Variants in HDHD2 observed in about 807,000 individuals in gnomAD.
HDHD2 encodes haloacid dehalogenase like hydrolase domain containing 2, also known as haloacid dehalogenase-like hydrolase domain-containing protein 2.
HDHD2 carries 26 observed loss-of-function variants against 24.8 expected under a neutral mutation model. That is an observed-to-expected ratio of 1.05 (90% confidence interval 0.77 to 1.45). The LOEUF (loss-of-function observed/expected upper bound fraction) is 1.45, where lower values mean the gene tolerates loss of function less well. HDHD2 is among the 40% of genes most tolerant of loss of function. The pLI is 0.00. For missense variants in HDHD2, 299 were observed against 313.4 expected (o/e 0.95, Z 0.35); for synonymous variants, 128 against 114.9 (o/e 1.11, Z -0.73).
At chr18:47,126,228 G>C (rs187944913) in intron 4 of HDHD2, among the ~76,000 whole-genome samples, 22 of 152,332 alleles carry the variant, frequency 1.4e-4, no homozygotes, top group Admixed American at 1.0e-3. Flanking sequence ...GAGCCCTGCT[G>C]CTACACTGTT....
intron 1 of HDHD2, among the ~76,000 whole-genome samples, chr18:47,136,759 T>C (rs573523585): frequency 1.3e-5 from 2 of 152,298 alleles, no homozygotes; most frequent in South Asian, 4.1e-4. Flanking sequence ...AATTCATTCA[T>C]TTATTTTATT....
Position 47,113,143 on chromosome 18 carries a change from A to G in HDHD2, c.613-103T>C, listed in dbSNP as rs1403118005. The G allele has an allele frequency of 5.7e-6, 5 of 876,238 alleles. No homozygotes were observed. In the Admixed American group the frequency reaches 9.6e-5, roughly 17 times the overall value. 54.3% of individuals were successfully genotyped at this position (876,238 alleles called of 1,614,324 possible). ...GGCTAGGGTGTCCAACTGTAATGCC[A>G]TGTTTTTTATTGAAATAGAAAAGAG... On this transcript the variant is annotated intron_variant, in intron 5 of 6. Coordinates refer to ENST00000300605, the MANE Select transcript of HDHD2 (RefSeq NM_032124.5).
At chr18:47,112,730 C>T (rs1324748233) in intron 6 of HDHD2, among the ~76,000 whole-genome samples, 3 of 152,176 alleles carry the variant, frequency 2.0e-5, no homozygotes, top group African/African-American at 7.2e-5. Flanking sequence ...AATATAAATG[C>T]TGTCAACCAG....
intron 6 of HDHD2, chr18:47,110,581 T>C: frequency 1.0e-6 from 1 of 985,444 alleles, no homozygotes; most frequent in Non-Finnish European, 1.2e-6. Context: ...GTGGGGTTTC[T>C]ACAAAATAGA....
Position 47,108,600 on chromosome 18 carries a change from G to A in HDHD2, c.*82C>T. 3 of 730,376 alleles carry A rather than the reference G, an allele frequency of 4.1e-6. No homozygotes were observed. The highest frequency in any genetic ancestry group is 2.3e-5 in the Admixed American group (1 of 43,788). The allele number at this position is 730,376 out of a possible 1,614,324, so 45.2% of individuals were successfully genotyped here. On this transcript the variant is annotated 3_prime_UTR_variant, in exon 7 of 7. Coordinates refer to ENST00000300605, the MANE Select transcript of HDHD2 (RefSeq NM_032124.5). Reference sequence around the variant, plus strand: ...CGATCAGCACTGACTGGTGTCTACCGATGCTGGCACTGAGTTGGTAAGGGA... The same window carrying A: ...CGATCAGCACTGACTGGTGTCTACCAATGCTGGCACTGAGTTGGTAAGGGA...
At position 47,150,484 on chromosome 18, in the gene HDHD2, G is replaced by A. The variant is rs894120068; in HGVS notation, c.-117C>T. ...GGGATAGACAGCCCCGCTGCTGCCCGACGGACGCCGGAAGTTGGGCCCTGG... is the reference window on the plus strand; with the variant it reads ...GGGATAGACAGCCCCGCTGCTGCCCAACGGACGCCGGAAGTTGGGCCCTGG... On this transcript the variant is annotated 5_prime_UTR_variant, in exon 1 of 7. Transcript: ENST00000300605. 18 of 152,218 alleles carry A rather than the reference G, an allele frequency of 1.2e-4. No homozygotes were observed. The highest frequency in any genetic ancestry group is 1.2e-3 in the Admixed American group (18 of 15,290). 9.4% of individuals were successfully genotyped at this position (152,218 alleles called of 1,614,324 possible).
At chr18:47,150,293 G>C (rs1198403864) in intron 1 of HDHD2, 85 bp downstream of exon 1, 2 of 152,502 alleles carry the variant, frequency 1.3e-5, no homozygotes, top group African/African-American at 4.8e-5. Flanking sequence ...GGCGCCACTA[G>C]TAGTTCCCGA....
At chr18:47,119,584 T>A (rs2063586627) in intron 4 of HDHD2, among the ~76,000 whole-genome samples, 1 of 152,234 alleles carries the variant, frequency 6.6e-6, no homozygotes, top group South Asian at 2.1e-4. Flanking sequence ...CATCTGCAGT[T>A]ACTTCCTTCA....
rs72905456 is a variant in HDHD2 at position 47,114,926 on chromosome 18, A to C, written c.612+206T>G. Among the ~76,000 whole-genome samples the C allele has an allele frequency of 2.3e-3, 344 of 152,046 alleles. 3 individuals carry two copies. Among genetic ancestry groups the C allele is most frequent in the Non-Finnish European group, 3.6e-3 (246 of 67,986 alleles). On this transcript the variant is annotated intron_variant, in intron 5 of 6. Transcript: ENST00000300605. ...ACAAATCTCCTATTACGCTATGGAGAAATGTCAGAAATAATAAAAATTTCA... is the reference window on the plus strand; with the variant it reads ...ACAAATCTCCTATTACGCTATGGAGCAATGTCAGAAATAATAAAAATTTCA...
intron 3 of HDHD2, among the ~76,000 whole-genome samples, chr18:47,131,793 A>G (rs2063716210): frequency 6.6e-6 from 1 of 152,192 alleles, no homozygotes; most frequent in Non-Finnish European, 1.5e-5. Flanking sequence ...TCCTGAACGC[A>G]GTTTAAGATC....
At chr18:47,149,969 TCCC>T (rs983692208) in intron 1 of HDHD2, 5 of 152,232 alleles carry the variant, frequency 3.3e-5, no homozygotes, top group African/African-American at 1.2e-4. Flanking sequence ...TCAACTTCCA[TCCC>T]CCCATCTCTT....
At chr18:47,125,462 A>G (rs779599646) in intron 4 of HDHD2, among the ~76,000 whole-genome samples, 1 of 152,248 alleles carries the variant, frequency 6.6e-6, no homozygotes, top group Non-Finnish European at 1.5e-5. Flanking sequence ...AGTTTTATTC[A>G]TAACAGCCCA....
In HDHD2 at chr18:47,134,787, CA is replaced by C. The variant is rs2063748147; in HGVS notation, c.102-84del. On this transcript the variant is annotated intron_variant, in intron 2 of 6. Transcript: ENST00000300605. ...ATCTCCTAATTTGTTAAAACTGTGC[CA>C]AATGTTTTTATGGCCAGCAACATGA... 2.7e-6 allele frequency: 3 copies of C among 1,127,554 alleles called. No homozygotes were observed. The African/African-American group carries it at 4.7e-5, about 18-fold the overall frequency. 69.8% of individuals were successfully genotyped at this position (1,127,554 alleles called of 1,614,324 possible).
At chr18:47,144,000 T>C (rs563451270) in intron 1 of HDHD2, among the ~76,000 whole-genome samples, 2 of 152,088 alleles carry the variant, frequency 1.3e-5, no homozygotes, top group East Asian at 3.9e-4. Flanking sequence ...TTCCATAATA[T>C]AGCAGGCTAA....
intron 1 of HDHD2, among the ~76,000 whole-genome samples, chr18:47,147,112 CCAGA>C (rs904431341): frequency 6.6e-6 from 1 of 152,118 alleles, no homozygotes; most frequent in African/African-American, 2.4e-5. Context: ...GTCCAGTAGT[CCAGA>C]CAATTACTAT....
At chr18:47,122,737 A>G (rs925058746) in intron 4 of HDHD2, among the ~76,000 whole-genome samples, 26 of 152,168 alleles carry the variant, frequency 1.7e-4, no homozygotes, top group Non-Finnish European at 3.5e-4. Context: ...TTAATTACTG[A>G]AAAAAATGTA....
At chr18:47,135,258 C>CTTTTTTT (rs904719955) in intron 2 of HDHD2, among the ~76,000 whole-genome samples, 4 of 128,328 alleles carry the variant, frequency 3.1e-5, no homozygotes, top group Non-Finnish European at 3.3e-5. Flanking sequence ...TAGATTTTTT[C>CTTTTTTT]TTTTTTTTTT....
At chr18:47,130,101 G>A (rs1167355433) in intron 4 of HDHD2, 143 bp downstream of exon 4, 10 of 530,418 alleles carry the variant, frequency 1.9e-5, no homozygotes, top group Non-Finnish European at 3.0e-5. Flanking sequence ...CATATTATTT[G>A]ATGCTGATCT....
chr18:47,111,669 C>T, intron 6 of HDHD2: 1 of 985,412 alleles, frequency 1.0e-6, no homozygotes, highest in Non-Finnish European at 1.2e-6. Flanking sequence ...TTACTATCTG[C>T]AAGGCTCCAA....
Sources: gnomAD v4.1 joint callset for allele counts (sites outside exome capture counted in the v4.1 genomes callset) on GRCh38, gnomAD v4.1.1 for gene constraint, MANE v1.5 for transcripts, NCBI Gene and HGNC (gene_info 2026-07-23, HGNC 2026-07-21) for gene names.